Variants in SNX8 observed in about 807,000 individuals in gnomAD.
SNX8 encodes sorting nexin-8.
In SNX8, 25 loss-of-function variants were observed where a neutral mutation model predicts 51.6. The observed-to-expected ratio is 0.48, with a 90% CI of 0.35 to 0.68. The LOEUF is 0.68. Among genes scored for constraint, SNX8 ranks in the 30% least tolerant of loss-of-function variants. SNX8 has a pLI of 0.00. For synonymous variants in SNX8, 324 were observed against 277.0 expected (o/e 1.17, Z -1.68); for missense variants, 695 against 624.0 (o/e 1.11, Z -1.21).
chr7:2,269,718 G>T (rs942657707), intron 4 of SNX8, 79 bp from the exon 5 acceptor site: 4 of 908,526 alleles, frequency 4.4e-6, no homozygotes, highest in Non-Finnish European at 6.8e-6. Context: ...TCACTGTGGA[G>T]CGGGAGGTCG....
intron 1 of SNX8, among the ~76,000 whole-genome samples, chr7:2,347,493 A>AG (rs1311765181): frequency 1.4e-4 from 14 of 103,006 alleles, no homozygotes; most frequent in African/African-American, 3.3e-4. Context: ...AAAAAAAAAA[A>AG]AAAAAAGAAA....
At chr7:2,300,737 G>T (rs549251874) in intron 1 of SNX8, among the ~76,000 whole-genome samples, 2 of 152,106 alleles carry the variant, frequency 1.3e-5, no homozygotes, top group East Asian at 3.9e-4. Context: ...CCACCTCCTG[G>T]GTTCAAATGA....
chr7:2,337,252 C>G (rs1018853099), intron 1 of SNX8: 1 of 152,148 alleles, frequency 6.6e-6, no homozygotes, highest in Non-Finnish European at 1.5e-5. Context: ...GTCAGGAGTT[C>G]GAGACCAGCC....
chr7:2,269,325 T>TA (rs1299736421), intron 5 of SNX8, among the ~76,000 whole-genome samples: 1 of 150,826 alleles, frequency 6.6e-6, no homozygotes, highest in Non-Finnish European at 1.5e-5. Flanking sequence ...GCATGCTCGT[T>TA]AAGAGTCATC....
In SNX8 at chr7:2,325,387, A is replaced by T. The variant is rs556134228; in HGVS notation, c.-66+28835T>A. Among the ~76,000 whole-genome samples the T allele has an allele frequency of 4.6e-5, 7 of 152,116 alleles. No individual in the cohort carries two copies. The East Asian group carries it at 1.2e-3, about 25-fold the overall frequency. On this transcript the variant is annotated intron_variant, in intron 1 of 5. Coordinates refer to the SNX8 transcript ENST00000435336. ...GTTACTAGAAATAGGGAAGTTAAAA[A>T]CTCTGCTAGTGAGGACTTTTAGAAG...
chr7:2,304,606 G>A (rs1262714855), intron 1 of SNX8, among the ~76,000 whole-genome samples: 1 of 151,942 alleles, frequency 6.6e-6, no homozygotes, highest in African/African-American at 2.4e-5. Flanking sequence ...TCCCCTCACT[G>A]AGTAGCCCAC....
intron 1 of SNX8, among the ~76,000 whole-genome samples, chr7:2,325,520 G>A (rs1031624158): frequency 4.6e-5 from 7 of 152,076 alleles, no homozygotes; most frequent in Admixed American, 1.3e-4. Context: ...TGCTGATGAG[G>A]GCTCAGAATG....
At chr7:2,318,681 G>C (rs1308714443), upstream of SNX8, among the ~76,000 whole-genome samples, 1 of 151,634 alleles carries the variant, frequency 6.6e-6, no homozygotes, top group African/African-American at 2.4e-5. Context: ...GGCGAAAACA[G>C]GGAGACTTTG....
chr7:2,282,999 T>TA (rs931733706), intron 1 of SNX8, among the ~76,000 whole-genome samples: 5 of 151,756 alleles, frequency 3.3e-5, no homozygotes, highest in African/African-American at 9.6e-5. Context: ...CGGAAGCCTG[T>TA]AGTCCCAGCT....
At chr7:2,321,096 C>T (rs1224067354) in intron 1 of SNX8, among the ~76,000 whole-genome samples, 2 of 151,592 alleles carry the variant, frequency 1.3e-5, no homozygotes, top group Non-Finnish European at 2.9e-5. Flanking sequence ...GCAGGGACAG[C>T]CAGACAAGGT....
intron 1 of SNX8, among the ~76,000 whole-genome samples, chr7:2,327,818 C>A (rs1034669861): frequency 5.8e-4 from 89 of 152,184 alleles, no homozygotes; most frequent in African/African-American, 2.1e-3. Context: ...CTGGGATTGA[C>A]AGGCGTGAGC....
intron 1 of SNX8, among the ~76,000 whole-genome samples, chr7:2,331,541 T>G (rs1366534177): frequency 6.6e-6 from 1 of 151,536 alleles, no homozygotes; most frequent in Non-Finnish European, 1.5e-5. Flanking sequence ...CCGTCTCCAC[T>G]AAAAATACAA....
intron 2 of SNX8, among the ~76,000 whole-genome samples, chr7:2,276,359 G>A (rs764224147): frequency 1.2e-4 from 19 of 152,224 alleles, no homozygotes; most frequent in Middle Eastern, 3.2e-3. Flanking sequence ...ACAGCAAGGC[G>A]GCTCTGACAC....
intron 1 of SNX8, among the ~76,000 whole-genome samples, chr7:2,300,799 C>G (rs1049458488): frequency 6.6e-6 from 1 of 152,040 alleles, no homozygotes; most frequent in African/African-American, 2.4e-5. Context: ...CATGCCACCA[C>G]GCCCAGCTAA....
chr7:2,322,392 C>T (rs945077936), intron 1 of SNX8, among the ~76,000 whole-genome samples: 2 of 151,772 alleles, frequency 1.3e-5, no homozygotes, highest in African/African-American at 2.4e-5. Flanking sequence ...AGCAAGACCC[C>T]ATCACTTAAA....
chr7:2,332,059 T>G (rs1034183932), intron 1 of SNX8, among the ~76,000 whole-genome samples: 6 of 151,016 alleles, frequency 4.0e-5, no homozygotes, highest in Non-Finnish European at 8.8e-5. Context: ...AAACAAAAAT[T>G]AAATGGGCAT....
intron 1 of SNX8, among the ~76,000 whole-genome samples, chr7:2,345,568 C>G (rs1037311685): frequency 1.2e-4 from 18 of 151,496 alleles, no homozygotes; most frequent in Admixed American, 3.3e-4. Context: ...ATCCCAGCTA[C>G]TTGGGAGGCT....
intron 1 of SNX8, among the ~76,000 whole-genome samples, chr7:2,348,380 G>A (rs375009929): frequency 1.3e-4 from 17 of 130,744 alleles, no homozygotes; most frequent in African/African-American, 4.7e-4. Flanking sequence ...TCGCTCTGTC[G>A]CCCAGGCTGG....
chr7:2,347,202 C>T (rs1182184884), intron 1 of SNX8, among the ~76,000 whole-genome samples: 1 of 152,064 alleles, frequency 6.6e-6, no homozygotes, highest in Admixed American at 6.6e-5. Flanking sequence ...AGCCTTTGGG[C>T]TGGGCGCAGT....
Sources: allele counts gnomAD v4.1 joint callset (sites outside exome capture counted in the v4.1 genomes callset), GRCh38; gene constraint gnomAD v4.1.1; transcripts MANE v1.5; gene names NCBI Gene and HGNC (gene_info 2026-07-23, HGNC 2026-07-21).